Variants in CAMTA1 observed in about 807,000 individuals in gnomAD.
The protein encoded by CAMTA1 is calmodulin-binding transcription activator 1.
Under a neutral mutation model 170.9 loss-of-function variants are expected in CAMTA1, and 27 were observed. The ratio of observed to expected loss-of-function variants is 0.16; its 90% CI spans 0.12 to 0.22. The LOEUF (loss-of-function observed/expected upper bound fraction) is 0.22. Among genes scored for constraint, CAMTA1 ranks in the 10% least tolerant of loss-of-function variants. The pLI is 1.00. For missense variants in CAMTA1, 1,619 were observed against 2,217.2 expected, an observed-to-expected ratio of 0.73 and a Z score of 5.42; for synonymous variants, 833 against 891.5, an observed-to-expected ratio of 0.93 and a Z score of 1.17.
At chr1:6,962,167 G>C (rs893996530) in intron 3 of CAMTA1, among the ~76,000 whole-genome samples, 15 of 152,192 alleles carry the variant, frequency 9.9e-5, no homozygotes, top group African/African-American at 3.6e-4. Flanking sequence ...CGTGTGCTCC[G>C]AGTGCCAGAT....
chr1:6,795,567 A>G (rs546664216), intron 1 of CAMTA1, among the ~76,000 whole-genome samples: 7 of 152,304 alleles, frequency 4.6e-5, no homozygotes, highest in South Asian at 4.1e-4. Flanking sequence ...TGTGCCATAT[A>G]CATTGTATAT....
At chr1:7,170,561 A>C (rs1454250310) in intron 4 of CAMTA1, among the ~76,000 whole-genome samples, 2 of 151,976 alleles carry the variant, frequency 1.3e-5, no homozygotes, top group Admixed American at 1.3e-4. Flanking sequence ...GAGAACATGC[A>C]GTGTTTGGTT....
intron 3 of CAMTA1, among the ~76,000 whole-genome samples, chr1:6,831,919 A>G (rs1230186935): frequency 7.0e-6 from 1 of 142,942 alleles, no homozygotes; most frequent in South Asian, 2.3e-4. Context: ...AACTTGAGTA[A>G]TAATTATAAT....
chr1:6,818,134 C>T (rs1186304674), intron 1 of CAMTA1, among the ~76,000 whole-genome samples: 2 of 152,066 alleles, frequency 1.3e-5, no homozygotes, highest in Admixed American at 1.3e-4. Flanking sequence ...GTCAGGAGTT[C>T]GAGACCAGCC....
intron 2 of CAMTA1, among the ~76,000 whole-genome samples, chr1:6,823,449 A>C (rs1646749877): frequency 6.6e-6 from 1 of 152,184 alleles, no homozygotes; most frequent in East Asian, 1.9e-4. Context: ...TCTTGAAAGC[A>C]GTCAGTTTTT....
At chr1:6,910,333 G>A (rs1308061821) in intron 3 of CAMTA1, among the ~76,000 whole-genome samples, 1 of 152,236 alleles carries the variant, frequency 6.6e-6, no homozygotes, top group Non-Finnish European at 1.5e-5. Context: ...CACCAGTATG[G>A]CAACTGTTTT....
At chr1:7,165,456 G>C (rs559627307) in intron 4 of CAMTA1, among the ~76,000 whole-genome samples, 30 of 151,962 alleles carry the variant, frequency 2.0e-4, no homozygotes, top group African/African-American at 5.3e-4. Flanking sequence ...TTTGGAGACG[G>C]AGTCTCACTC....
At chr1:7,628,889 G>T (rs1156529078) in intron 6 of CAMTA1, among the ~76,000 whole-genome samples, 1 of 152,194 alleles carries the variant, frequency 6.6e-6, no homozygotes, top group Non-Finnish European at 1.5e-5. Flanking sequence ...CTCCTGGGAG[G>T]GACAGGAGGC....
chr1:6,834,247 T>A (rs1276434001), intron 3 of CAMTA1: 2 of 150,956 alleles, frequency 1.3e-5, no homozygotes, highest in Non-Finnish European at 3.0e-5. Flanking sequence ...AATTTAAAAA[T>A]TTATTTTTTA....
chr1:7,171,455 C>T (rs1007585130), intron 4 of CAMTA1, among the ~76,000 whole-genome samples: 4 of 152,182 alleles, frequency 2.6e-5, no homozygotes, highest in Admixed American at 2.0e-4. Context: ...TTTGTTTCCA[C>T]TTCTGCCTCC....
rs559554022 is a variant in CAMTA1 at position 7,746,129 on chromosome 1, AAGATCAGAGAGGAC to A, written c.4617+43_4617+56del. 77 of 1,601,202 alleles carry A rather than the reference AAGATCAGAGAGGAC, an allele frequency of 4.8e-5. No homozygotes were observed. In the East Asian group the frequency reaches 1.6e-3, roughly 34 times the overall value. On this transcript the variant is annotated intron_variant, in intron 18 of 22. Transcript: ENST00000303635. ...AGAACCTTCGTTTTGTGACATTCTT[AAGATCAGAGAGGAC>A]AGATGAAAGTCAGAATCATGCGAAC...
Position 7,664,577 on chromosome 1 carries a change from T to C in CAMTA1, c.2030T>C (p.Phe677Ser), listed in dbSNP as rs1449308667. Residue 677 changes from phenylalanine to serine, a missense_variant, in exon 9 of 23, where the codon TTC becomes TCC. Coordinates refer to ENST00000303635, the MANE Select transcript of CAMTA1 (RefSeq NM_015215.4). ...ESTSSLHLMQ[F>S]QANFQAMTAE... The stretch of plus-strand genomic sequence containing the variant: ...ACTTCCTCCCTCCACCTCATGCAGT[T>C]CCAGGCCAACTTCCAGGCCATGACG... 2 of 1,612,716 alleles carry C rather than the reference T, an allele frequency of 1.2e-6. No homozygotes were observed. The highest frequency in any genetic ancestry group is 2.2e-5 in the East Asian group (1 of 44,864).
intron 5 of CAMTA1, among the ~76,000 whole-genome samples, chr1:7,444,318 C>G (rs188064584): frequency 6.6e-6 from 1 of 152,330 alleles, no homozygotes; most frequent in Admixed American, 6.5e-5. Context: ...TGAGGACCCA[C>G]TCTGTACCCA....
intron 3 of CAMTA1, among the ~76,000 whole-genome samples, chr1:6,849,943 G>A (rs1484208296): frequency 6.6e-6 from 1 of 150,966 alleles, no homozygotes; most frequent in African/African-American, 2.4e-5. Flanking sequence ...GCTGAGGCAC[G>A]AGAATCACTT....
In CAMTA1 at chr1:7,766,588, C is replaced by T; in HGVS notation, c.*97C>T. On this transcript the variant is annotated 3_prime_UTR_variant, in exon 23 of 23. Transcript: ENST00000303635. ...GACATGCAACAACAACACACACGCA[C>T]ACACGCACACACACACACGTACACA... 4.1e-6 allele frequency: 4 copies of T among 976,022 alleles called. No individual in the cohort carries two copies. Among genetic ancestry groups the T allele is most frequent in the Non-Finnish European group, 6.6e-6 (4 of 606,838 alleles). 60.5% of individuals were successfully genotyped at this position (976,022 alleles called of 1,614,324 possible). A position where few individuals can be genotyped will look rare whatever the true frequency, so the allele number is the denominator to read the frequency against.
rs1219813091 is a variant in CAMTA1, at chr1:7,418,648, CTGTCCAACAAG to C, written c.439-49177_439-49167del. Among the ~76,000 whole-genome samples, 5 of 152,354 alleles carry C rather than the reference CTGTCCAACAAG, an allele frequency of 3.3e-5. No individual in the cohort carries two copies. In the East Asian group the frequency reaches 9.6e-4, roughly 29 times the overall value. ...CTGTCCACTCCACATCGCCACTTGGCTGTCCAACAAGTGTCTCAAATATCAGGAGCCCAAAG... is the reference window on the plus strand; with the variant it reads ...CTGTCCACTCCACATCGCCACTTGGCTGTCTCAAATATCAGGAGCCCAAAG... On this transcript the variant is annotated intron_variant, in intron 5 of 22. Transcript: ENST00000303635.
At chr1:7,696,163 T>A (rs2149451241) in intron 11 of CAMTA1, among the ~76,000 whole-genome samples, 1 of 146,188 alleles carries the variant, frequency 6.8e-6, no homozygotes, top group South Asian at 2.3e-4. Flanking sequence ...TGTTTCTCTT[T>A]AATTAGATCT....
At position 7,585,719 on chromosome 1, in the gene CAMTA1, C is replaced by T. The variant is rs78455342; in HGVS notation, c.511-54681C>T. Among the ~76,000 whole-genome samples, 783 of 150,954 alleles carry T rather than the reference C, an allele frequency of 5.2e-3. 18 individuals carry two copies. Among genetic ancestry groups the T allele is most frequent in the African/African-American group, 0.019 (763 of 40,368 alleles). ...GGGCAGGAGGGGAATGGCCAGGATG[C>T]GGGGTGCCCAGTTCATACATCCTAG... On this transcript the variant is annotated intron_variant, in intron 6 of 22. Coordinates refer to ENST00000303635, the MANE Select transcript of CAMTA1 (RefSeq NM_015215.4). The surrounding 1 kb of genome is among the most constrained non-coding windows in gnomAD (Gnocchi z 4.8).
At chr1:7,578,819 A>G (rs1260384853) in intron 6 of CAMTA1, among the ~76,000 whole-genome samples, 2 of 152,214 alleles carry the variant, frequency 1.3e-5, no homozygotes, top group Non-Finnish European at 2.9e-5. Context: ...AGTGGCACGA[A>G]TGCGTGTATG....
Sources: allele counts gnomAD v4.1 joint callset (sites outside exome capture counted in the v4.1 genomes callset), GRCh38; gene constraint gnomAD v4.1.1; non-coding constraint Gnocchi (gnomAD v3.1); transcripts MANE v1.5; gene names NCBI Gene and HGNC (gene_info 2026-07-23, HGNC 2026-07-21).